The following FTMT variants were observed in gnomAD, a reference collection of about 807,000 sequenced individuals.
FTMT encodes ferritin, mitochondrial.
FTMT carries 5 observed loss-of-function variants against 4.9 expected under a neutral mutation model. That is an observed-to-expected ratio of 1.03 (90% CI 0.54 to 2.16). The LOEUF is 2.16. Ranked by LOEUF, FTMT falls within the 30% of genes most tolerant of loss-of-function variation. The pLI is 0.01. For synonymous variants in FTMT, 174 were observed against 143.6 expected (o/e 1.21, Z -1.51); for missense variants, 393 against 323.0 (o/e 1.22, Z -1.66).
rs148980325 is a variant in FTMT at position 121,852,368 on chromosome 5, G to A, written c.405G>A (p.Gln135=). 1 of 1,614,184 alleles carries A rather than the reference G, an allele frequency of 6.2e-7. No individual in the cohort carries two copies. The highest frequency in any genetic ancestry group is 1.7e-5 in the Admixed American group (1 of 60,024). The change falls in exon 1 of 1, where the codon CAG becomes CAA. Residue 135 remains glutamine, a synonymous_variant. Coordinates refer to ENST00000321339, the MANE Select transcript of FTMT (RefSeq NM_177478.2). ...HAEKLMRLQN[Q]RGGRIRLQDI... is the part of the protein sequence containing the mutation. ...AGAAGCTGATGAGGCTGCAGAACCA[G>A]CGAGGAGGCCGGATCCGCCTGCAGG... is the stretch of plus-strand genomic sequence containing the variant.
rs1750076781 is a variant in FTMT, at chr5:121,852,621, G to A, written c.658G>A (p.Ala220Thr). 1 of 1,614,058 alleles carries A rather than the reference G, an allele frequency of 6.2e-7. No individual in the cohort carries two copies. Among genetic ancestry groups the A allele is most frequent in the Non-Finnish European group, 8.5e-7 (1 of 1,180,020 alleles). Residue 220 changes from alanine to threonine, a missense_variant, in exon 1 of 1, where the codon GCC becomes ACC. Ala to Thr is a moderately conservative substitution (Grantham distance 58). Transcript: ENST00000321339. ...DHVHNLVKMGAPDAGLAEYLF... is the reference protein window; with the variant it reads ...DHVHNLVKMGTPDAGLAEYLF... Reference sequence around the variant, plus strand: ...CGTGCACAACTTAGTGAAGATGGGGGCCCCGGATGCTGGCCTGGCGGAGTA... The same window carrying A: ...CGTGCACAACTTAGTGAAGATGGGGACCCCGGATGCTGGCCTGGCGGAGTA...
Position 121,852,338 on chromosome 5 carries a change from C to T in FTMT, c.375C>T (p.His125=). ...ACCAGTCCCGGGAGGAGACCGAGCA[C>T]GCGGAGAAGCTGATGAGGCTGCAGA... The part of the protein sequence containing the change: ...FLHQSREETE[H]AEKLMRLQNQ... Residue 125 remains histidine, a synonymous_variant, in exon 1 of 1, where the codon CAC becomes CAT. Coordinates refer to ENST00000321339, the MANE Select transcript of FTMT (RefSeq NM_177478.2). 1.9e-6 allele frequency: 3 copies of T among 1,614,132 alleles called. No individual in the cohort carries two copies. Among genetic ancestry groups the T allele is most frequent in the South Asian group, 1.1e-5 (1 of 91,078 alleles).
rs747201135 is a variant in FTMT, at chr5:121,852,182, C to A, written c.219C>A (p.His73Gln). The change falls in exon 1 of 1, where the codon CAC (histidine) becomes CAA (glutamine). Residue 73 changes from histidine to glutamine, a missense_variant. Physicochemically the swap from His to Gln is conservative, Grantham distance 24 (BLOSUM62 0). Coordinates refer to ENST00000321339, the MANE Select transcript of FTMT (RefSeq NM_177478.2). ...CCTCTCGGGTGCGCCAGAACTTCCACCCCGACTCCGAGGCTGCCATCAACC... is the reference window on the plus strand; with the variant it reads ...CCTCTCGGGTGCGCCAGAACTTCCAACCCGACTCCGAGGCTGCCATCAACC... ...AGPSRVRQNF[H>Q]PDSEAAINRQ... is the part of the protein sequence containing the mutation. 2.9e-5 allele frequency: 46 copies of A among 1,613,354 alleles called. No individual in the cohort carries two copies. Among genetic ancestry groups the A allele is most frequent in the Non-Finnish European group, 3.1e-5 (37 of 1,179,668 alleles).
Position 121,851,942 on chromosome 5 carries a change from C to A in FTMT, c.-22C>A. 1 of 1,565,430 alleles carries A rather than the reference C, an allele frequency of 6.4e-7. No homozygotes were observed. Among genetic ancestry groups the A allele is most frequent in the South Asian group, 1.1e-5 (1 of 87,900 alleles). On this transcript the variant is annotated 5_prime_UTR_variant, in exon 1 of 1. Transcript: ENST00000321339. The stretch of plus-strand genomic sequence containing the variant: ...CCAAGAGGGCCGGGCCTCAGTTTCC[C>A]CACTTCCAAGGAGGCGGCGCTATGC...
chr5:121,852,004 C>T lies in FTMT; in HGVS notation c.41C>T (p.Pro14Leu). The change falls in exon 1 of 1, where the codon CCT becomes CTT. Residue 14 changes from proline to leucine, a missense_variant. By Grantham distance (98) the Pro-to-Leu change is moderately conservative (BLOSUM62 -3). Coordinates refer to ENST00000321339, the MANE Select transcript of FTMT (RefSeq NM_177478.2). ...AGGCTCCTCTCCAGGCACATCAGCCCTTCGCTGGCGTCTCTGCGCCCGGTG... is the reference window on the plus strand; with the variant it reads ...AGGCTCCTCTCCAGGCACATCAGCCTTTCGCTGGCGTCTCTGCGCCCGGTG... The part of the protein sequence containing the change: ...CFRLLSRHIS[P>L]SLASLRPVRC... 1 of 1,594,440 alleles carries T rather than the reference C, an allele frequency of 6.3e-7. No homozygotes were observed. Among genetic ancestry groups the T allele is most frequent in the Non-Finnish European group, 8.5e-7 (1 of 1,176,066 alleles).
rs560227716 is a variant in FTMT, at chr5:121,852,774, C to T, written c.*82C>T. 1 of 1,428,986 alleles carries T rather than the reference C, an allele frequency of 7.0e-7. No individual in the cohort carries two copies. Among genetic ancestry groups the T allele is most frequent in the East Asian group, 2.3e-5 (1 of 43,738 alleles). 88.5% of individuals were successfully genotyped at this position (1,428,986 alleles called of 1,614,324 possible). On this transcript the variant is annotated 3_prime_UTR_variant, in exon 1 of 1. Transcript: ENST00000321339. ...CCTGCTTTCTTGCCCTTAAAATCAC[C>T]TCCATCTTTATATTCTTCTGTTATA...
At position 121,852,093 on chromosome 5, in the gene FTMT, G is replaced by T; in HGVS notation, c.130G>T (p.Ala44Ser). Reference protein sequence around the residue: ...PGRPLDPRQIAPRRPLAAAAS... With the variant: ...PGRPLDPRQISPRRPLAAAAS... ...GCGCCCCTTGGACCCCAGGCAGATC[G>T]CCCCCCGCCGCCCCCTGGCCGCAGC... Residue 44 changes from alanine to serine, a missense_variant, in exon 1 of 1, where the codon GCC becomes TCC. Physicochemically the swap from Ala to Ser is moderately conservative, Grantham distance 99 (BLOSUM62 1). Transcript: ENST00000321339. The T allele has an allele frequency of 6.4e-7, 1 of 1,569,380 alleles. No homozygotes were observed. The highest frequency in any genetic ancestry group is 1.2e-5 in the South Asian group (1 of 86,846).
In FTMT at chr5:121,851,952, G is replaced by C; in HGVS notation, c.-12G>C. On this transcript the variant is annotated 5_prime_UTR_variant, in exon 1 of 1. Transcript: ENST00000321339. ...CGGGCCTCAGTTTCCCCACTTCCAAGGAGGCGGCGCTATGCTGTCCTGCTT... is the reference window on the plus strand; with the variant it reads ...CGGGCCTCAGTTTCCCCACTTCCAACGAGGCGGCGCTATGCTGTCCTGCTT... 6.4e-7 allele frequency: 1 copy of C among 1,572,118 alleles called. No homozygotes were observed. Among genetic ancestry groups the C allele is most frequent in the East Asian group, 2.4e-5 (1 of 42,082 alleles).
Position 121,852,164 on chromosome 5 carries a change from G to A in FTMT, c.201G>A (p.Arg67=). The A allele has an allele frequency of 1.9e-6, 3 of 1,611,884 alleles. No individual in the cohort carries two copies. The highest frequency in any genetic ancestry group is 2.5e-6 in the Non-Finnish European group (3 of 1,179,020). Residue 67 remains arginine (R), a synonymous_variant, in exon 1 of 1, where the codon CGG becomes CGA. Transcript: ENST00000321339. The part of the protein sequence containing the change: ...DPTGPAAGPS[R]VRQNFHPDSE... Reference sequence around the variant, plus strand: ...CCGGGCCCGCCGCCGGCCCCTCTCGGGTGCGCCAGAACTTCCACCCCGACT... The same window carrying A: ...CCGGGCCCGCCGCCGGCCCCTCTCGAGTGCGCCAGAACTTCCACCCCGACT...
At position 121,852,320 on chromosome 5, in the gene FTMT, C is replaced by G. The variant is rs1580628712; in HGVS notation, c.357C>G (p.Ser119=). The part of the protein sequence containing the change: ...NNFSRYFLHQ[S]REETEHAEKL... Reference sequence around the variant, plus strand: ...TCTCCAGGTATTTCCTTCACCAGTCCCGGGAGGAGACCGAGCACGCGGAGA... The same window carrying G: ...TCTCCAGGTATTTCCTTCACCAGTCGCGGGAGGAGACCGAGCACGCGGAGA... Residue 119 remains serine (S), a synonymous_variant, in exon 1 of 1, where the codon TCC becomes TCG. Transcript: ENST00000321339. 6.2e-7 allele frequency: 1 copy of G among 1,614,140 alleles called. No individual in the cohort carries two copies. Among genetic ancestry groups the G allele is most frequent in the African/African-American group, 1.3e-5 (1 of 75,032 alleles).
Position 121,852,478 on chromosome 5 carries a change from A to G in FTMT, c.515A>G (p.Gln172Arg), listed in dbSNP as rs774733511. 2 of 1,614,106 alleles carry G rather than the reference A, an allele frequency of 1.2e-6. No individual in the cohort carries two copies. Among genetic ancestry groups the G allele is most frequent in the South Asian group, 2.2e-5 (2 of 91,076 alleles). ...CALLLEKNVN[Q>R]SLLELHALAS... The stretch of plus-strand genomic sequence containing the variant: ...CTACTCTTGGAAAAGAACGTGAACC[A>G]GTCGTTGCTGGAATTGCACGCTCTA... Residue 172 changes from glutamine (Q) to arginine (R), a missense_variant, in exon 1 of 1, where the codon CAG becomes CGG. By Grantham distance (43) the Gln-to-Arg change is conservative. Coordinates refer to ENST00000321339, the MANE Select transcript of FTMT (RefSeq NM_177478.2).
In FTMT at chr5:121,852,365, C is replaced by T; in HGVS notation, c.402C>T (p.Asn134=). 1 of 1,614,176 alleles carries T rather than the reference C, an allele frequency of 6.2e-7. No individual in the cohort carries two copies. Among genetic ancestry groups the T allele is most frequent in the Non-Finnish European group, 8.5e-7 (1 of 1,180,040 alleles). ...EHAEKLMRLQ[N]QRGGRIRLQD... ...CGGAGAAGCTGATGAGGCTGCAGAA[C>T]CAGCGAGGAGGCCGGATCCGCCTGC... is the stretch of plus-strand genomic sequence containing the variant. Residue 134 remains asparagine, a synonymous_variant, in exon 1 of 1, where the codon AAC becomes AAT. Transcript: ENST00000321339.
rs150109305 is a variant in FTMT, at chr5:121,852,611, G to T, written c.648G>T (p.Val216=). ...TAGGTGACCACGTGCACAACTTAGT[G>T]AAGATGGGGGCCCCGGATGCTGGCC... ...KELGDHVHNL[V]KMGAPDAGLA... Residue 216 remains valine (V), a synonymous_variant, in exon 1 of 1, where the codon GTG becomes GTT. Coordinates refer to ENST00000321339, the MANE Select transcript of FTMT (RefSeq NM_177478.2). 1.7e-3 allele frequency: 2,795 copies of T among 1,614,104 alleles called. 55 individuals are homozygous for T. In the South Asian group the frequency reaches 0.023, roughly 13 times the overall value.
In FTMT at chr5:121,852,066, G is replaced by A; in HGVS notation, c.103G>A (p.Gly35Arg). Reference protein sequence around the residue: ...CFALPLRWAPGRPLDPRQIAP... With the variant: ...CFALPLRWAPRRPLDPRQIAP... ...CGCGCTCCCGCTGCGTTGGGCCCCG[G>A]GGCGCCCCTTGGACCCCAGGCAGAT... is the stretch of plus-strand genomic sequence containing the variant. The change falls in exon 1 of 1, where the codon GGG becomes AGG. Residue 35 changes from glycine (G) to arginine (R), a missense_variant. Coordinates refer to ENST00000321339, the MANE Select transcript of FTMT (RefSeq NM_177478.2). 6.3e-7 allele frequency: 1 copy of A among 1,591,190 alleles called. No homozygotes were observed. Among genetic ancestry groups the A allele is most frequent in the South Asian group, 1.1e-5 (1 of 90,144 alleles).
rs375767223 is a variant in FTMT at position 121,852,323 on chromosome 5, G to A, written c.360G>A (p.Arg120=). The change falls in exon 1 of 1, where the codon CGG becomes CGA. Residue 120 remains arginine, a synonymous_variant. Transcript: ENST00000321339. ...NFSRYFLHQS[R]EETEHAEKLM... ...CCAGGTATTTCCTTCACCAGTCCCGGGAGGAGACCGAGCACGCGGAGAAGC... is the reference window on the plus strand; with the variant it reads ...CCAGGTATTTCCTTCACCAGTCCCGAGAGGAGACCGAGCACGCGGAGAAGC... 4.3e-6 allele frequency: 7 copies of A among 1,614,040 alleles called. No individual in the cohort carries two copies. The South Asian group carries it at 4.4e-5, about 10-fold the overall frequency.
Position 121,852,697 on chromosome 5 carries a change from C to T in FTMT, c.*5C>T, listed in dbSNP as rs555760322. On this transcript the variant is annotated 3_prime_UTR_variant, in exon 1 of 1. Transcript: ENST00000321339. ...AATGAAAACAAGCAGAACTAAGCCACGAGCTGCCTTCCTCCCAGGCTAGTG... is the reference window on the plus strand; with the variant it reads ...AATGAAAACAAGCAGAACTAAGCCATGAGCTGCCTTCCTCCCAGGCTAGTG... 6.2e-5 allele frequency: 99 copies of T among 1,607,058 alleles called. 3 individuals are homozygous for T. The South Asian group carries it at 1.0e-3, about 17-fold the overall frequency.
Position 121,852,613 on chromosome 5 carries a change from A to T in FTMT, c.650A>T (p.Lys217Met), listed in dbSNP as rs1400613805. 5.6e-6 allele frequency: 9 copies of T among 1,613,964 alleles called. No homozygotes were observed. The highest frequency in any genetic ancestry group is 1.3e-5 in the African/African-American group (1 of 74,888). The change falls in exon 1 of 1, where the codon AAG (lysine) becomes ATG (methionine). Residue 217 changes from lysine (K) to methionine (M), a missense_variant. Coordinates refer to ENST00000321339, the MANE Select transcript of FTMT (RefSeq NM_177478.2). ...ELGDHVHNLV[K>M]MGAPDAGLAE... ...GGTGACCACGTGCACAACTTAGTGA[A>T]GATGGGGGCCCCGGATGCTGGCCTG...
chr5:121,852,042 G>C lies in FTMT; in HGVS notation c.79G>C (p.Ala27Pro). The C allele has an allele frequency of 3.8e-6, 6 of 1,593,016 alleles. No homozygotes were observed. Among genetic ancestry groups the C allele is most frequent in the Non-Finnish European group, 5.1e-6 (6 of 1,175,500 alleles). ...ASLRPVRCCF[A>P]LPLRWAPGRP... Reference sequence around the variant, plus strand: ...TCTGCGCCCGGTGCGCTGCTGCTTCGCGCTCCCGCTGCGTTGGGCCCCGGG... The same window carrying C: ...TCTGCGCCCGGTGCGCTGCTGCTTCCCGCTCCCGCTGCGTTGGGCCCCGGG... Residue 27 changes from alanine to proline, a missense_variant, in exon 1 of 1, where the codon GCG (alanine) becomes CCG (proline). Transcript: ENST00000321339.
rs746139970 is a variant in FTMT, at chr5:121,852,281, G to A, written c.318G>A (p.Val106=). ...SMAYYFSRDD[V]ALNNFSRYFL... is the part of the protein sequence containing the mutation. ...CCTATTACTTCTCCCGGGATGACGT[G>A]GCCTTGAACAACTTCTCCAGGTATT... is the stretch of plus-strand genomic sequence containing the variant. Residue 106 remains valine (V), a synonymous_variant, in exon 1 of 1, where the codon GTG becomes GTA. Coordinates refer to ENST00000321339, the MANE Select transcript of FTMT (RefSeq NM_177478.2). The A allele has an allele frequency of 1.2e-6, 2 of 1,614,140 alleles. No individual in the cohort carries two copies. Among genetic ancestry groups the A allele is most frequent in the South Asian group, 2.2e-5 (2 of 91,074 alleles).
Sources: allele counts gnomAD v4.1 joint callset, GRCh38; gene constraint gnomAD v4.1.1; transcripts MANE v1.5; gene names NCBI Gene and HGNC (gene_info 2026-07-23, HGNC 2026-07-21).